Variants in KHDRBS2 observed in about 807,000 individuals in gnomAD.
KHDRBS2 encodes the protein KH domain-containing, RNA-binding, signal transduction-associated protein 2.
In KHDRBS2, 26 loss-of-function variants were observed where a neutral mutation model predicts 44.3. That is an observed-to-expected ratio of 0.59 (90% CI 0.43 to 0.81). KHDRBS2 has a LOEUF of 0.81. Among genes scored for constraint, KHDRBS2 ranks in the 40% least tolerant of loss-of-function variants. KHDRBS2 has a pLI of 0.00. For missense variants in KHDRBS2, 476 were observed against 433.1 expected, an observed-to-expected ratio of 1.10 and a Z score of -0.88; for synonymous variants, 194 against 151.1, an observed-to-expected ratio of 1.28 and a Z score of -2.08.
chr6:61,922,617 C>T (rs1355328651), intron 4 of KHDRBS2, among the ~76,000 whole-genome samples: 1 of 151,974 alleles, frequency 6.6e-6, no homozygotes, highest in Non-Finnish European at 1.5e-5. Context: ...GGAGGAGGAC[C>T]AACTAGACTA....
At chr6:61,682,209 T>C (rs1390873754) in intron 8 of KHDRBS2, among the ~76,000 whole-genome samples, 2 of 151,914 alleles carry the variant, frequency 1.3e-5, no homozygotes, top group Admixed American at 6.6e-5. Flanking sequence ...CATTATAATA[T>C]AGAGCAAATG....
At chr6:61,898,841 G>A (rs1411785844) in intron 5 of KHDRBS2, among the ~76,000 whole-genome samples, 1 of 151,852 alleles carries the variant, frequency 6.6e-6, no homozygotes, top group East Asian at 1.9e-4. Context: ...GTATTTAGGA[G>A]CAATAGGGAG....
intron 6 of KHDRBS2, among the ~76,000 whole-genome samples, chr6:61,856,716 A>G (rs1454761480): frequency 6.6e-6 from 1 of 152,066 alleles, no homozygotes; most frequent in Non-Finnish European, 1.5e-5. Flanking sequence ...TAAAACCGTC[A>G]TAGCCTGTCC....
At chr6:61,835,973 C>A (rs1454841248) in intron 6 of KHDRBS2, among the ~76,000 whole-genome samples, 1 of 151,924 alleles carries the variant, frequency 6.6e-6, no homozygotes. Flanking sequence ...GGATAACAAA[C>A]ATTGTGAACA....
At chr6:62,087,237 A>G (rs1364831723) in intron 2 of KHDRBS2, among the ~76,000 whole-genome samples, 1 of 152,140 alleles carries the variant, frequency 6.6e-6, no homozygotes, top group Non-Finnish European at 1.5e-5. Context: ...CCAGAAGGAT[A>G]TGGTCATAAA....
At position 61,978,218 on chromosome 6, in the gene KHDRBS2, A is replaced by G; in HGVS notation, c.337-6T>C. The stretch of plus-strand genomic sequence containing the variant: ...CTCTTCCTTAGTTCTTCTTCCTGTG[A>G]AAAAGGTTATTTTTAGAAATACAAA... On this transcript the variant is annotated splice_region_variant and splice_polypyrimidine_tract_variant and intron_variant, in intron 3 of 8. Transcript: ENST00000281156. 1 of 1,598,046 alleles carries G rather than the reference A, an allele frequency of 6.3e-7. No homozygotes were observed. Among genetic ancestry groups the G allele is most frequent in the Non-Finnish European group, 8.5e-7 (1 of 1,172,670 alleles).
chr6:61,631,687 C>G, the KHDRBS2 span, among the ~76,000 whole-genome samples: 2 of 152,038 alleles, frequency 1.3e-5, no homozygotes, highest in African/African-American at 4.8e-5. Context: ...GTCCATAGAT[C>G]AATCAGATGG....
chr6:62,138,546 T>A (rs151241277), intron 2 of KHDRBS2, among the ~76,000 whole-genome samples: 95 of 152,316 alleles, frequency 6.2e-4, no homozygotes, highest in African/African-American at 2.2e-3. Flanking sequence ...TTTTAAAAAG[T>A]GATTCTACAG....
chr6:61,848,989 C>T (rs1204183903), intron 6 of KHDRBS2, among the ~76,000 whole-genome samples: 2 of 151,966 alleles, frequency 1.3e-5, no homozygotes. Flanking sequence ...GCAACACAAT[C>T]ATTACATATC....
intron 6 of KHDRBS2, among the ~76,000 whole-genome samples, chr6:61,751,947 G>A (rs1777761643): frequency 6.6e-6 from 1 of 151,862 alleles, no homozygotes; most frequent in African/African-American, 2.4e-5. Flanking sequence ...ACTTCTCTGT[G>A]TGTGTGTGTG....
chr6:61,844,771 A>G (rs1011573889), intron 6 of KHDRBS2, among the ~76,000 whole-genome samples: 10 of 152,138 alleles, frequency 6.6e-5, no homozygotes, highest in African/African-American at 2.2e-4. Flanking sequence ...GAAATCATGT[A>G]AAGCTAGCTT....
intron 6 of KHDRBS2, among the ~76,000 whole-genome samples, chr6:61,778,083 C>A (rs965726585): frequency 3.3e-5 from 5 of 152,080 alleles, no homozygotes; most frequent in Non-Finnish European, 7.4e-5. Flanking sequence ...ATTGGAAGTC[C>A]TAGCCAGAGC....
intron 2 of KHDRBS2, among the ~76,000 whole-genome samples, chr6:62,152,744 T>C (rs1350103657): frequency 6.6e-6 from 1 of 152,194 alleles, no homozygotes; most frequent in Non-Finnish European, 1.5e-5. Context: ...TCCACAGAGA[T>C]GGCTGGTATA....
chr6:61,679,141 C>T (rs1007793598), downstream of KHDRBS2, among the ~76,000 whole-genome samples: 2 of 151,756 alleles, frequency 1.3e-5, no homozygotes, highest in Admixed American at 6.6e-5. Context: ...CCAATCACAT[C>T]GACAAAAAGC....
chr6:61,729,923 C>T lies in KHDRBS2; in HGVS notation c.893+2759G>A, dbSNP rs150965207. Among the ~76,000 whole-genome samples, 312 of 152,054 alleles carry T rather than the reference C, an allele frequency of 2.1e-3. 3 individuals carry two copies. The highest frequency in any genetic ancestry group is 6.8e-3 in the African/African-American group (281 of 41,496). ...TTGCCATTTTATTTAATAACAGTGT[C>T]TTTTAGAGAACAAAATTTAATTTTG... On this transcript the variant is annotated intron_variant, in intron 7 of 8. Transcript: ENST00000281156.
intron 6 of KHDRBS2, among the ~76,000 whole-genome samples, chr6:61,804,183 G>A (rs1786751698): frequency 6.6e-6 from 1 of 152,100 alleles, no homozygotes; most frequent in Non-Finnish European, 1.5e-5. Context: ...GGGGAAATTG[G>A]CCAAAACGAA....
intron 7 of KHDRBS2, among the ~76,000 whole-genome samples, chr6:61,704,809 TGTA>T (rs1345995500): frequency 6.6e-6 from 1 of 151,884 alleles, no homozygotes; most frequent in Non-Finnish European, 1.5e-5. Context: ...AGCAAATCAT[TGTA>T]GTATGAATAA....
At chr6:61,631,382 G>T in the KHDRBS2 span, among the ~76,000 whole-genome samples, 2 of 149,774 alleles carry the variant, frequency 1.3e-5, no homozygotes, top group South Asian at 2.1e-4. Context: ...TTTGCTGGAG[G>T]TACTTTGGGA....
intron 2 of KHDRBS2, among the ~76,000 whole-genome samples, chr6:62,150,214 C>A (rs1256047442): frequency 2.0e-5 from 3 of 151,760 alleles, no homozygotes; most frequent in East Asian, 1.9e-4. Flanking sequence ...GGAATAATGT[C>A]TCTTTTCAGT....
Sources: gnomAD v4.1 joint callset for allele counts (sites outside exome capture counted in the v4.1 genomes callset) on GRCh38, gnomAD v4.1.1 for gene constraint, MANE v1.5 for transcripts, NCBI Gene and HGNC (gene_info 2026-07-23, HGNC 2026-07-21) for gene names.